Variants in TENM3 observed in about 807,000 individuals in gnomAD.
The protein encoded by TENM3 is teneurin transmembrane protein 3, also known as teneurin-3.
TENM3 carries 63 observed loss-of-function variants against 255.1 expected under a neutral mutation model. That is an observed-to-expected ratio of 0.25 (90% CI 0.20 to 0.30). The LOEUF is 0.30. TENM3 is among the 10% of genes least tolerant of loss of function. The probability of loss-of-function intolerance (pLI) is 1.00; values close to 1 mark genes in which losing one functional copy is unlikely to be tolerated. For synonymous variants in TENM3, 1,306 were observed against 1,322.3 expected, an observed-to-expected ratio of 0.99 and a Z score of 0.27; for missense variants, 2,929 against 3,461.1, an observed-to-expected ratio of 0.85 and a Z score of 3.86.
At chr4:182,177,241 C>A (rs769953760) in intron 1 of TENM3, among the ~76,000 whole-genome samples, 20 of 152,042 alleles carry the variant, frequency 1.3e-4, no homozygotes, top group African/African-American at 1.7e-4. Flanking sequence ...ACACCAAGAC[C>A]CAATGATACA....
Position 182,166,000 on chromosome 4 carries a change from G to A in TENM3, c.-76+21246G>A, listed in dbSNP as rs576969245. On this transcript the variant is annotated intron_variant, in intron 1 of 2. Transcript: ENST00000512480. Reference sequence around the variant, plus strand: ...TCACCGCATTAGCCAGGATGGTCTCGATCTCCTGACCTCATGATCTGCCCG... The same window carrying A: ...TCACCGCATTAGCCAGGATGGTCTCAATCTCCTGACCTCATGATCTGCCCG... Among the ~76,000 whole-genome samples, 337 of 152,116 alleles carry A rather than the reference G, an allele frequency of 2.2e-3. 1 individual carries two copies. The highest frequency in any genetic ancestry group is 7.9e-3 in the African/African-American group (329 of 41,478).
the TENM3 span, among the ~76,000 whole-genome samples, chr4:181,554,934 T>G: frequency 6.6e-6 from 1 of 152,220 alleles, no homozygotes; most frequent in South Asian, 2.1e-4. Context: ...TTATTTTTAA[T>G]ACTTTGAATG....
intron 1 of TENM3, among the ~76,000 whole-genome samples, chr4:182,202,669 C>T (rs185229991): frequency 2.4e-4 from 36 of 152,234 alleles, no homozygotes; most frequent in Non-Finnish European, 4.6e-4. Context: ...GACTCTGCCT[C>T]GGAGTGAGGC....
chr4:182,066,400 G>A, the TENM3 span, among the ~76,000 whole-genome samples: 1 of 152,022 alleles, frequency 6.6e-6, no homozygotes, highest in Non-Finnish European at 1.5e-5. Flanking sequence ...TGATAATGAT[G>A]TCAATAACAA....
the TENM3 span, among the ~76,000 whole-genome samples, chr4:182,048,006 T>G: frequency 6.6e-6 from 1 of 152,162 alleles, no homozygotes; most frequent in African/African-American, 2.4e-5. Flanking sequence ...GAGTTTGTGG[T>G]TGCCATGCAG....
chr4:181,798,582 A>T, the TENM3 span, among the ~76,000 whole-genome samples: 1 of 152,206 alleles, frequency 6.6e-6, no homozygotes, highest in Non-Finnish European at 1.5e-5. Context: ...TAAATGTCTT[A>T]AGGTAGATTC....
chr4:182,734,483 T>C (rs4241750), intron 16 of TENM3, among the ~76,000 whole-genome samples: 90,471 of 151,986 alleles, frequency 0.6, 28,099 homozygotes, highest in East Asian at 0.84. Flanking sequence ...AAAAGAGAAA[T>C]GAGTGAACAG....
chr4:181,916,703 C>A, the TENM3 span, among the ~76,000 whole-genome samples: 3 of 151,976 alleles, frequency 2.0e-5, no homozygotes, highest in South Asian at 6.2e-4. Flanking sequence ...ATGGTGAAAC[C>A]CCGTCTCTAC....
Position 182,325,305 on chromosome 4 carries a change from T to C in TENM3, c.232+1053T>C, listed in dbSNP as rs1370933164. ...CGTTCAAAAGTTGGAAAATTTTCCA[T>C]GGTTCTTTTCTTCCCTGCATTGTGC... On this transcript the variant is annotated intron_variant, in intron 2 of 27. Transcript: ENST00000511685. 2.6e-5 allele frequency among the ~76,000 whole-genome samples: 4 copies of C among 152,348 alleles called. No homozygotes were observed. The South Asian group carries it at 6.2e-4, about 24-fold the overall frequency.
chr4:182,268,655 C>T lies in TENM3; in HGVS notation c.-76+25179C>T, dbSNP rs569409871. ...ATAAAACAGTTTTCAGTAAAGGAGC[C>T]GGCCAAAACCCACCAAAACCAAGAT... is the stretch of plus-strand genomic sequence containing the variant. On this transcript the variant is annotated intron_variant, in intron 1 of 27. Transcript: ENST00000511685. Among the ~76,000 whole-genome samples the T allele has an allele frequency of 5.8e-4, 88 of 152,170 alleles. No homozygotes were observed. The South Asian group carries it at 0.014, about 25-fold the overall frequency.
intron 3 of TENM3, among the ~76,000 whole-genome samples, chr4:182,465,287 G>A (rs1339263618): frequency 6.6e-6 from 1 of 152,186 alleles, no homozygotes; most frequent in Non-Finnish European, 1.5e-5. Context: ...CTCACTGGGA[G>A]GGTATGAGGA....
At chr4:181,728,398 ATACT>A in the TENM3 span, among the ~76,000 whole-genome samples, 3 of 152,238 alleles carry the variant, frequency 2.0e-5, no homozygotes, top group African/African-American at 7.2e-5. Context: ...TTGACTGAAT[ATACT>A]TACAGTTATT....
At chr4:181,921,277 A>G in the TENM3 span, among the ~76,000 whole-genome samples, 1 of 152,120 alleles carries the variant, frequency 6.6e-6, no homozygotes, top group East Asian at 1.9e-4. Flanking sequence ...GAAGAAAGTC[A>G]TTGGTAGCTT....
At chr4:182,398,298 G>C (rs1768990572) in intron 3 of TENM3, among the ~76,000 whole-genome samples, 1 of 152,112 alleles carries the variant, frequency 6.6e-6, no homozygotes, top group African/African-American at 2.4e-5. Context: ...TATGCCTCTA[G>C]CTATGAGGAG....
the TENM3 span, among the ~76,000 whole-genome samples, chr4:181,605,584 G>GAGAGAGA: frequency 1.4e-4 from 10 of 69,142 alleles, 1 homozygote; most frequent in African/African-American, 4.6e-4. Context: ...GAGAAAGAAA[G>GAGAGAGA]GAAAGAAAGA....
the TENM3 span, among the ~76,000 whole-genome samples, chr4:181,794,484 C>G: frequency 1.3e-5 from 2 of 152,290 alleles, no homozygotes; most frequent in South Asian, 4.1e-4. Context: ...CCCTTCTACT[C>G]TCTATTCTAT....
At chr4:181,490,471 T>C in the TENM3 span, among the ~76,000 whole-genome samples, 44,836 of 122,486 alleles carry the variant, frequency 0.37, 6,955 homozygotes, top group Admixed American at 0.45. Flanking sequence ...ACAGTATCTG[T>C]TTTTTTTCTA....
the TENM3 span, among the ~76,000 whole-genome samples, chr4:181,623,901 G>T: frequency 6.6e-6 from 1 of 152,170 alleles, no homozygotes; most frequent in East Asian, 1.9e-4. Flanking sequence ...ATATTGATGT[G>T]CTATTTCATA....
chr4:181,797,785 T>C, the TENM3 span, among the ~76,000 whole-genome samples: 10 of 152,332 alleles, frequency 6.6e-5, no homozygotes, highest in African/African-American at 2.2e-4. Flanking sequence ...GGCTTTCTAA[T>C]GTGGGGGCTT....
Sources: allele counts gnomAD v4.1 joint callset (sites outside exome capture counted in the v4.1 genomes callset), GRCh38; gene constraint gnomAD v4.1.1; transcripts MANE v1.5; gene names NCBI Gene and HGNC (gene_info 2026-07-23, HGNC 2026-07-21).